Variants in CBLN2 observed in about 807,000 individuals in gnomAD.
CBLN2 encodes cerebellin 2 precursor.
Under a neutral mutation model 15.0 loss-of-function variants are expected in CBLN2, and 7 were observed. The observed-to-expected ratio is 0.47, with a 90% CI of 0.27 to 0.88. The LOEUF is 0.88. Ranked by LOEUF, CBLN2 falls within the 40% of genes least tolerant of loss-of-function variation. The pLI is 0.14. For synonymous variants in CBLN2, 149 were observed against 135.2 expected, an observed-to-expected ratio of 1.10 and a Z score of -0.71; for missense variants, 242 against 304.5, an observed-to-expected ratio of 0.79 and a Z score of 1.53.
At chr18:72,608,456 G>T (rs1436605648) in intron 1 of CBLN2, among the ~76,000 whole-genome samples, 3 of 152,136 alleles carry the variant, frequency 2.0e-5, no homozygotes, top group African/African-American at 7.2e-5. Flanking sequence ...CACTCAACAG[G>T]CACCTGGGTG....
Position 72,594,524 on chromosome 18 carries a change from C to T in CBLN2, c.15+43801G>A, listed in dbSNP as rs374810323. ...TGCAAAATGAATCTCGAAATATTTT[C>T]TCCTATTCTGTGTCTCGGTATAGTT... On this transcript the variant is annotated intron_variant, in intron 1 of 2. Transcript: ENST00000581073. Among the ~76,000 whole-genome samples, 7 of 149,540 alleles carry T rather than the reference C, an allele frequency of 4.7e-5. 1 individual carries two copies. Among genetic ancestry groups the T allele is most frequent in the South Asian group, 4.3e-4 (2 of 4,628 alleles).
intron 1 of CBLN2, among the ~76,000 whole-genome samples, chr18:72,551,954 T>A (rs541450403): frequency 6.6e-6 from 1 of 152,338 alleles, no homozygotes; most frequent in East Asian, 1.9e-4. Flanking sequence ...ATCAAAAAGT[T>A]AACTACTGGT....
chr18:72,598,921 C>T (rs532247162), intron 1 of CBLN2, among the ~76,000 whole-genome samples: 8 of 152,286 alleles, frequency 5.3e-5, no homozygotes, highest in East Asian at 3.9e-4. Flanking sequence ...TGGTCACTTT[C>T]GGGGAATGAG....
chr18:72,544,642 G>A (rs1475160663), upstream of CBLN2: 3 of 151,948 alleles, frequency 2.0e-5, no homozygotes, highest in Non-Finnish European at 4.4e-5. Context: ...TAATAATAAT[G>A]ATAGCAACCA....
At chr18:72,615,002 T>C (rs942459656) in intron 1 of CBLN2, among the ~76,000 whole-genome samples, 1 of 145,790 alleles carries the variant, frequency 6.9e-6, no homozygotes, top group Non-Finnish European at 1.5e-5. Context: ...ATAGGTGGGC[T>C]GTTTGTCACT....
At position 72,550,545 on chromosome 18, in the gene CBLN2, C is replaced by A. The variant is rs554059743; in HGVS notation, c.16-11773G>T. On this transcript the variant is annotated intron_variant, in intron 1 of 2. Coordinates refer to the CBLN2 transcript ENST00000581073. ...TACGGAGGCGGCGGAAAGAAAAGCA[C>A]TTTCATTAGTGAAATGATATTCACA... Among the ~76,000 whole-genome samples the A allele has an allele frequency of 2.6e-5, 4 of 152,252 alleles. No individual in the cohort carries two copies. In the South Asian group the frequency reaches 8.3e-4, roughly 32 times the overall value.
At chr18:72,546,505 T>C (rs138498556), upstream of CBLN2, among the ~76,000 whole-genome samples, 86 of 152,274 alleles carry the variant, frequency 5.6e-4, no homozygotes, top group African/African-American at 1.9e-3. Context: ...TGCTTAGAAA[T>C]TTTTTAAGAA....
At chr18:72,617,060 A>G (rs2069667328) in intron 1 of CBLN2, among the ~76,000 whole-genome samples, 1 of 152,160 alleles carries the variant, frequency 6.6e-6, no homozygotes, top group Non-Finnish European at 1.5e-5. Flanking sequence ...TGAACTTCAA[A>G]TACTTTCCCA....
intron 1 of CBLN2, among the ~76,000 whole-genome samples, chr18:72,556,665 G>A (rs1375460743): frequency 6.6e-6 from 1 of 152,140 alleles, no homozygotes; most frequent in Non-Finnish European, 1.5e-5. Flanking sequence ...GACTTTACTA[G>A]TGAGACTACT....
intron 1 of CBLN2, among the ~76,000 whole-genome samples, chr18:72,589,065 C>T (rs1330476116): frequency 6.6e-6 from 1 of 152,136 alleles, no homozygotes; most frequent in Admixed American, 6.5e-5. Context: ...TAGATCACCT[C>T]TTTGCGGTAT....
chr18:72,580,701 G>T (rs2144917904), intron 1 of CBLN2, among the ~76,000 whole-genome samples: 1 of 152,092 alleles, frequency 6.6e-6, no homozygotes. Context: ...GTATTTTATT[G>T]TGTAAATATA....
intron 1 of CBLN2, among the ~76,000 whole-genome samples, chr18:72,553,539 T>A (rs1193296441): frequency 1.3e-5 from 2 of 152,154 alleles, no homozygotes; most frequent in East Asian, 3.9e-4. Flanking sequence ...ATATTACAAA[T>A]GTGTGCATAT....
At chr18:72,569,276 A>G (rs1344230064) in intron 1 of CBLN2, among the ~76,000 whole-genome samples, 1 of 152,080 alleles carries the variant, frequency 6.6e-6, no homozygotes, top group Non-Finnish European at 1.5e-5. Flanking sequence ...AACCACTAAA[A>G]TTGTAATATA....
At chr18:72,553,158 G>A (rs1427371296) in intron 1 of CBLN2, among the ~76,000 whole-genome samples, 1 of 152,160 alleles carries the variant, frequency 6.6e-6, no homozygotes, top group African/African-American at 2.4e-5. Flanking sequence ...GAGACCAGAG[G>A]GGAGAAACTG....
intron 1 of CBLN2, among the ~76,000 whole-genome samples, chr18:72,564,664 T>G (rs185294436): frequency 7.2e-5 from 11 of 152,312 alleles, no homozygotes; most frequent in African/African-American, 2.4e-4. Flanking sequence ...GATACCATTA[T>G]GTGAACAAAT....
intron 1 of CBLN2, among the ~76,000 whole-genome samples, chr18:72,560,599 G>A (rs657174): frequency 0.17 from 25,384 of 152,128 alleles, 2,350 homozygotes; most frequent in Admixed American, 0.29. Flanking sequence ...GACAGAGACC[G>A]CATGGCCTGC....
intron 1 of CBLN2, among the ~76,000 whole-genome samples, chr18:72,616,964 TA>T (rs898933676): frequency 2.0e-5 from 3 of 152,192 alleles, no homozygotes; most frequent in African/African-American, 7.2e-5. Flanking sequence ...TTAAACCTTT[TA>T]ACACAGTCCT....
At chr18:72,562,109 T>A (rs2069265273) in intron 1 of CBLN2, among the ~76,000 whole-genome samples, 2 of 152,184 alleles carry the variant, frequency 1.3e-5, no homozygotes, top group Non-Finnish European at 2.9e-5. Flanking sequence ...ATGCACACGT[T>A]TGGGACTTCA....
At chr18:72,581,855 T>G (rs1329863135) in intron 1 of CBLN2, among the ~76,000 whole-genome samples, 2 of 152,200 alleles carry the variant, frequency 1.3e-5, no homozygotes, top group Admixed American at 1.3e-4. Flanking sequence ...TTTAATCGAT[T>G]AGTTCGTATA....
Sources: allele counts gnomAD v4.1 joint callset (sites outside exome capture counted in the v4.1 genomes callset), GRCh38; gene constraint gnomAD v4.1.1; transcripts MANE v1.5; gene names NCBI Gene and HGNC (gene_info 2026-07-23, HGNC 2026-07-21).